TMEM181: variants seen among roughly 807,000 people sequenced by gnomAD.
The protein encoded by TMEM181 is transmembrane protein 181.
TMEM181 carries 39 observed loss-of-function variants against 71.9 expected under a neutral mutation model. The observed-to-expected ratio is 0.54, with a 90% CI of 0.42 to 0.71. TMEM181 has a LOEUF of 0.71. Ranked by LOEUF, TMEM181 falls within the 30% of genes least tolerant of loss-of-function variation. The probability of loss-of-function intolerance (pLI) is 0.00; values close to 1 mark genes in which losing one functional copy is unlikely to be tolerated. For missense variants in TMEM181, 595 were observed against 583.0 expected, an observed-to-expected ratio of 1.02 and a Z score of -0.21; for synonymous variants, 245 against 228.8, an observed-to-expected ratio of 1.07 and a Z score of -0.64.
At chr6:158,561,067 G>C (rs1381187209) in intron 1 of TMEM181, among the ~76,000 whole-genome samples, 1 of 152,176 alleles carries the variant, frequency 6.6e-6, no homozygotes. Context: ...TCCAGGGCCG[G>C]CTCCCTGCAC....
chr6:158,603,769 C>G (rs4709235), intron 6 of TMEM181, among the ~76,000 whole-genome samples: 53,594 of 151,780 alleles, frequency 0.35, 10,411 homozygotes, highest in East Asian at 0.75. Context: ...GATTTCTGGG[C>G]CAGTTTTGAT....
intron 8 of TMEM181, 91 bp from the exon 9 acceptor site, chr6:158,608,232 GTGCTCTCTGC>G: frequency 1.3e-6 from 1 of 777,820 alleles, no homozygotes; most frequent in Non-Finnish European, 1.7e-6. Flanking sequence ...GAGGTATGGG[GTGCTCTCTGC>G]TAGGTGCTGA....
rs149735409 is a variant in TMEM181, at chr6:158,544,182, A to AGAGAGAGTGTGTGTGTGTGTGT, written c.131+7318_131+7319insAGAGAGTGTGTGTGTGTGTGTG. 2.4e-3 allele frequency among the ~76,000 whole-genome samples: 305 copies of AGAGAGAGTGTGTGTGTGTGTGT among 127,644 alleles called. 4 individuals carry two copies. The highest frequency in any genetic ancestry group is 8.8e-3 in the African/African-American group (290 of 32,940). 83.7% of individuals were successfully genotyped at this position (127,644 alleles called of 152,430 possible). A position where few individuals can be genotyped will look rare whatever the true frequency, so the allele number is the denominator to read the frequency against. ...GGTTTCTCAGGTGCAAATTGGAGAG[A>AGAGAGAGTGTGTGTGTGTGTGT]GTGTGTGTGTGTGTGTGTGTGTGTG... is the stretch of plus-strand genomic sequence containing the variant. On this transcript the variant is annotated intron_variant, in intron 1 of 16. Coordinates refer to the TMEM181 transcript ENST00000367090.
chr6:158,597,052 T>C (rs1784421997), intron 6 of TMEM181, among the ~76,000 whole-genome samples: 1 of 152,178 alleles, frequency 6.6e-6, no homozygotes, highest in South Asian at 2.1e-4. Flanking sequence ...GTGGAAGGTG[T>C]CTGTGCTGAG....
At chr6:158,605,243 T>A (rs1490019318) in intron 6 of TMEM181, 24 bp from the exon 7 acceptor site, 1 of 1,600,890 alleles carries the variant, frequency 6.2e-7, no homozygotes, top group Non-Finnish European at 8.6e-7. Flanking sequence ...TTTTTCAAAT[T>A]GTTTTCTCCA....
At chr6:158,611,053 A>C (rs1785274862) in intron 10 of TMEM181, 2 of 457,450 alleles carry the variant, frequency 4.4e-6, no homozygotes, top group Middle Eastern at 4.0e-4. Context: ...TGAGAGAGTC[A>C]TCCAGAAACT....
chr6:158,610,611 CTT>C (rs10533013), intron 10 of TMEM181: 110,676 of 367,578 alleles, frequency 0.3, 19,417 homozygotes, highest in East Asian at 0.65. Flanking sequence ...TGCTTCACCT[CTT>C]TTCCTCCCGA....
chr6:158,565,634 G>A (rs1281741355), intron 1 of TMEM181, among the ~76,000 whole-genome samples: 1 of 152,198 alleles, frequency 6.6e-6, no homozygotes, highest in Non-Finnish European at 1.5e-5. Context: ...AAAAAACAGG[G>A]AAGAGTGAGT....
upstream of TMEM181, among the ~76,000 whole-genome samples, chr6:158,556,038 G>A (rs1441104910): frequency 6.6e-6 from 1 of 152,126 alleles, no homozygotes; most frequent in Non-Finnish European, 1.5e-5. Context: ...GAAAAGACAC[G>A]TCTCAGAGAC....
chr6:158,541,784 G>C (rs1263908698), intron 1 of TMEM181, among the ~76,000 whole-genome samples: 2 of 151,322 alleles, frequency 1.3e-5, no homozygotes, highest in Non-Finnish European at 2.9e-5. Flanking sequence ...TTTTCTCCTT[G>C]TTTTCAAGTT....
At chr6:158,550,823 G>A (rs1046699787) in intron 1 of TMEM181, among the ~76,000 whole-genome samples, 11 of 146,868 alleles carry the variant, frequency 7.5e-5, no homozygotes, top group African/African-American at 2.5e-4. Flanking sequence ...AATGCACAGA[G>A]CTACCATTTA....
chr6:158,620,262 A>T lies in TMEM181; in HGVS notation c.897-3288A>T. ...GGCATCCCCAGACAAGAGACCTGGA[A>T]TCTTCTTTCCAAAGAGGACAGTTAA... On this transcript the variant is annotated intron_variant, in intron 10 of 16. Transcript: ENST00000684151. The surrounding 1 kb of genome is among the most constrained non-coding windows in gnomAD (Gnocchi z 4.5). 6.6e-6 allele frequency among the ~76,000 whole-genome samples: 1 copy of T among 152,068 alleles called. No homozygotes were observed. The highest frequency in any genetic ancestry group is 1.9e-4 in the East Asian group (1 of 5,176).
In TMEM181 at chr6:158,567,706, G is replaced by A. The variant is rs532145129; in HGVS notation, c.9-5714G>A. 1.6e-4 allele frequency among the ~76,000 whole-genome samples: 24 copies of A among 152,274 alleles called. No individual in the cohort carries two copies. In the East Asian group the frequency reaches 3.9e-3, roughly 24 times the overall value. ...GAATTGAAGCTCTGGAGTTGGATGC[G>A]CGGGTTTCAGTGTTGCACTTAGCAG... On this transcript the variant is annotated intron_variant, in intron 1 of 16. Coordinates refer to ENST00000684151, the MANE Select transcript of TMEM181 (RefSeq NM_001376852.1).
chr6:158,551,838 TC>T (rs1473216205), intron 1 of TMEM181, among the ~76,000 whole-genome samples: 3 of 152,212 alleles, frequency 2.0e-5, no homozygotes, highest in African/African-American at 4.8e-5. Flanking sequence ...TGACAAAGTT[TC>T]CTATGGAGCA....
chr6:158,560,063 G>A, upstream of TMEM181: 2 of 985,194 alleles, frequency 2.0e-6, no homozygotes, highest in South Asian at 4.7e-5. Flanking sequence ...TCGCTTCCGC[G>A]CACGTGATCT....
rs189294702 is a variant in TMEM181, at chr6:158,579,461, C to G, written c.113-1479C>G. On this transcript the variant is annotated intron_variant, in intron 2 of 16. Transcript: ENST00000684151. ...GTTCGGCCGGGCGCAGTGGCTCACG[C>G]CTGTAATCCCAGCACTTTGGGAGGG... 8.4e-4 allele frequency among the ~76,000 whole-genome samples: 128 copies of G among 152,062 alleles called. 2 individuals carry two copies. The highest frequency in any genetic ancestry group is 2.6e-3 in the African/African-American group (110 of 41,518).
intron 4 of TMEM181, among the ~76,000 whole-genome samples, 174 bp downstream of exon 4, chr6:158,584,218 AGAGAAAGTTGC>A (rs1169220957): frequency 4.6e-5 from 7 of 152,254 alleles, no homozygotes; most frequent in Non-Finnish European, 5.9e-5. Context: ...TTCCAGTGGG[AGAGAAAGTTGC>A]GATAGATAGA....
intron 1 of TMEM181, among the ~76,000 whole-genome samples, chr6:158,542,868 GTTTT>G (rs61401561): frequency 4.1e-5 from 3 of 73,462 alleles, no homozygotes; most frequent in African/African-American, 1.1e-4. Context: ...CTCCAGAGTG[GTTTT>G]TTTTTTTTTT....
intron 14 of TMEM181, among the ~76,000 whole-genome samples, chr6:158,629,401 TC>T (rs1419195430): frequency 6.6e-6 from 1 of 152,146 alleles, no homozygotes; most frequent in East Asian, 1.9e-4. Flanking sequence ...CCCGTGGCCT[TC>T]CTGCCCTTTT....
Sources: allele counts gnomAD v4.1 joint callset (sites outside exome capture counted in the v4.1 genomes callset), GRCh38; gene constraint gnomAD v4.1.1; non-coding constraint Gnocchi (gnomAD v3.1); transcripts MANE v1.5; gene names NCBI Gene and HGNC (gene_info 2026-07-23, HGNC 2026-07-21).